The following CNOT1 variants were observed in gnomAD, a reference collection of about 807,000 sequenced individuals.
CNOT1 encodes the protein CCR4-associated factor 1.
Under a neutral mutation model 273.8 loss-of-function variants are expected in CNOT1, and 15 were observed. The observed-to-expected ratio is 0.05, with a 90% CI of 0.04 to 0.08. The LOEUF (loss-of-function observed/expected upper bound fraction) is 0.08, where lower values mean the gene tolerates loss of function less well. Among genes scored for constraint, CNOT1 ranks in the 10% least tolerant of loss-of-function variants. The pLI, the probability that CNOT1 is intolerant of heterozygous loss-of-function variation, is 1.00. For synonymous variants in CNOT1, 1,022 were observed against 1,005.5 expected (o/e 1.02, Z -0.31); for missense variants, 1,644 against 2,912.2 (o/e 0.56, Z 10.02).
chr16:58,534,074 T>A (rs920682669), intron 40 of CNOT1, 73 bp downstream of exon 40: 46 of 1,257,746 alleles, frequency 3.7e-5, no homozygotes, highest in Admixed American at 2.0e-4. Flanking sequence ...ATATAAAAAA[T>A]AATAATAATA....
chr16:58,605,431 A>G (rs751127724), intron 1 of CNOT1, among the ~76,000 whole-genome samples: 7 of 151,736 alleles, frequency 4.6e-5, no homozygotes, highest in Non-Finnish European at 8.8e-5. Flanking sequence ...TGAACCCAGG[A>G]GGCGGAGGCT....
chr16:58,588,859 G>A lies in CNOT1; in HGVS notation c.150C>T (p.Cys50=), dbSNP rs1197273438. 1 of 1,613,694 alleles carries A rather than the reference G, an allele frequency of 6.2e-7. No individual in the cohort carries two copies. The highest frequency in any genetic ancestry group is 2.2e-5 in the East Asian group (1 of 44,854). ...CACTGAAATCCACATGCGAAAATAG[G>A]CAGCGTAATAAATGCCTGTCTGCCT... ...GPEADRHLLR[C]LFSHVDFSGD... Residue 50 remains cysteine, a synonymous_variant, in exon 3 of 49, where the codon TGC becomes TGT. Coordinates refer to ENST00000317147, the MANE Select transcript of CNOT1 (RefSeq NM_016284.5).
chr16:58,582,745 A>G (rs368960595), intron 10 of CNOT1, 48 bp downstream of exon 10: 120 of 1,098,724 alleles, frequency 1.1e-4, no homozygotes, highest in African/African-American at 9.2e-4. Context: ...TCTTTGGACT[A>G]TATCATTCAA....
chr16:58,567,644 A>G (rs2041104950), intron 16 of CNOT1, among the ~76,000 whole-genome samples: 1 of 152,096 alleles, frequency 6.6e-6, no homozygotes, highest in Admixed American at 6.6e-5. Context: ...AAGTGTCTGA[A>G]TCAACTTTTT....
chr16:58,603,380 T>G, intron 1 of CNOT1, among the ~76,000 whole-genome samples: 1 of 149,924 alleles, frequency 6.7e-6, no homozygotes. Flanking sequence ...TGGGATAACA[T>G]ACCTAGACCC....
intron 17 of CNOT1, 92 bp from the exon 18 acceptor site, chr16:58,558,766 T>C: frequency 6.6e-7 from 1 of 1,506,950 alleles, no homozygotes; most frequent in Non-Finnish European, 8.9e-7. Context: ...CTTCATAATC[T>C]TAAAAAGCAA....
chr16:58,525,965 G>T, intron 45 of CNOT1, 24 bp downstream of exon 45: 1 of 1,606,846 alleles, frequency 6.2e-7, no homozygotes, highest in South Asian at 1.1e-5. Context: ...AGACGTAGAT[G>T]AGTTTTAAGC....
chr16:58,628,570 G>A (rs1371435928), intron 1 of CNOT1, among the ~76,000 whole-genome samples: 1 of 146,848 alleles, frequency 6.8e-6, no homozygotes, highest in East Asian at 2.1e-4. Context: ...GTTTCAAACA[G>A]TATAATTATA....
At chr16:58,572,335 G>C (rs1597484140) in intron 16 of CNOT1, among the ~76,000 whole-genome samples, 1 of 151,940 alleles carries the variant, frequency 6.6e-6, no homozygotes, top group South Asian at 2.1e-4. Flanking sequence ...ATAATAGATA[G>C]ATCTACAAAG....
chr16:58,610,446 G>A (rs776557088), intron 1 of CNOT1, among the ~76,000 whole-genome samples: 26 of 152,138 alleles, frequency 1.7e-4, no homozygotes, highest in Admixed American at 5.9e-4. Context: ...GCTCATGCCT[G>A]TAATCCCAGC....
intron 1 of CNOT1, among the ~76,000 whole-genome samples, chr16:58,606,164 A>T (rs1302026437): frequency 6.6e-6 from 1 of 152,158 alleles, no homozygotes; most frequent in African/African-American, 2.4e-5. Flanking sequence ...GCACTTTGGG[A>T]GGCCAAGGCA....
chr16:58,626,205 C>T (rs1357053500), intron 1 of CNOT1, among the ~76,000 whole-genome samples: 1 of 151,840 alleles, frequency 6.6e-6, no homozygotes, highest in Non-Finnish European at 1.5e-5. Context: ...GTCAGGAATT[C>T]GAGACCAGCC....
At chr16:58,618,138 G>A (rs1261265804) in intron 1 of CNOT1, among the ~76,000 whole-genome samples, 1 of 152,118 alleles carries the variant, frequency 6.6e-6, no homozygotes, top group African/African-American at 2.4e-5. Context: ...AACAGTTTAT[G>A]CATAACTATT....
chr16:58,613,940 A>C (rs2042988557), intron 1 of CNOT1, among the ~76,000 whole-genome samples: 1 of 120,256 alleles, frequency 8.3e-6, no homozygotes, highest in African/African-American at 2.8e-5. Flanking sequence ...TACAAAAAAA[A>C]AATTAGCCGG....
chr16:58,592,222 T>C (rs1449143922), intron 2 of CNOT1, among the ~76,000 whole-genome samples: 1 of 152,082 alleles, frequency 6.6e-6, no homozygotes, highest in Non-Finnish European at 1.5e-5. Context: ...ATTTTGTTTA[T>C]AAAATAGTTT....
intron 10 of CNOT1, 56 bp from the exon 11 acceptor site, chr16:58,581,571 T>C: frequency 6.7e-7 from 1 of 1,486,766 alleles, no homozygotes; most frequent in Non-Finnish European, 8.9e-7. Context: ...TTTTGATACA[T>C]TATCCAAAAG....
At chr16:58,626,294 C>A (rs1188428526) in intron 1 of CNOT1, among the ~76,000 whole-genome samples, 1 of 150,528 alleles carries the variant, frequency 6.6e-6, no homozygotes. Context: ...TGTAATCCAG[C>A]TACTCAGAAG....
In CNOT1 at chr16:58,534,652, T is replaced by G. The variant is rs112327084; in HGVS notation, c.5647-257A>C. 7.2e-5 allele frequency among the ~76,000 whole-genome samples: 11 copies of G among 152,292 alleles called. No individual in the cohort carries two copies. The South Asian group carries it at 2.3e-3, about 32-fold the overall frequency. On this transcript the variant is annotated intron_variant, in intron 39 of 48. Transcript: ENST00000317147. ...AGATTATCATGGCAATTTTGAACAG[T>G]AGGTCCCCACCAAATAATGTGAAAA...
At chr16:58,605,678 T>C (rs1192259506) in intron 1 of CNOT1, among the ~76,000 whole-genome samples, 1 of 152,152 alleles carries the variant, frequency 6.6e-6, no homozygotes, top group Non-Finnish European at 1.5e-5. Context: ...ACCTCTTTAT[T>C]TTCCTTTTGA....
Sources: gnomAD v4.1 joint callset for allele counts (sites outside exome capture counted in the v4.1 genomes callset) on GRCh38, gnomAD v4.1.1 for gene constraint, MANE v1.5 for transcripts, NCBI Gene and HGNC (gene_info 2026-07-23, HGNC 2026-07-21) for gene names.